ARHGEF10L: variants seen among roughly 807,000 people sequenced by gnomAD.
ARHGEF10L encodes the protein rho guanine nucleotide exchange factor 10-like protein.
Under a neutral mutation model 141.2 loss-of-function variants are expected in ARHGEF10L, and 69 were observed. The observed-to-expected ratio is 0.49, with a 90% CI of 0.40 to 0.60. The LOEUF is 0.60. ARHGEF10L is among the 20% of genes least tolerant of loss of function. The probability of loss-of-function intolerance (pLI) is 0.00; values close to 1 mark genes in which losing one functional copy is unlikely to be tolerated. For missense variants in ARHGEF10L, 1,482 were observed against 1,734.3 expected (o/e 0.85, Z 2.58); for synonymous variants, 711 against 718.5 (o/e 0.99, Z 0.17).
At chr1:17,622,862 TGAG>T in intron 11 of ARHGEF10L, 131 bp from the exon 12 acceptor site, 2 of 870,646 alleles carry the variant, frequency 2.3e-6, no homozygotes, top group Non-Finnish European at 3.5e-6. Context: ...GAAGGACGCA[TGAG>T]GAGTGAGGGA....
At chr1:17,693,297 T>G (rs774010858) in intron 27 of ARHGEF10L, among the ~76,000 whole-genome samples, 37 of 152,226 alleles carry the variant, frequency 2.4e-4, no homozygotes, top group Admixed American at 5.2e-4. Flanking sequence ...GTCTGCTCCT[T>G]AAGACAGGAC....
At chr1:17,539,027 C>T (rs2076625537), upstream of ARHGEF10L, among the ~76,000 whole-genome samples, 1 of 152,254 alleles carries the variant, frequency 6.6e-6, no homozygotes, top group Admixed American at 6.5e-5. The surrounding 1 kb of genome is among the most constrained non-coding windows in gnomAD (Gnocchi z 6.0). Context: ...GCTAGGATCT[C>T]AGTCTCAGCA....
intron 1 of ARHGEF10L, among the ~76,000 whole-genome samples, chr1:17,568,312 A>G (rs2077846151): frequency 6.6e-6 from 1 of 152,214 alleles, no homozygotes; most frequent in South Asian, 2.1e-4. Context: ...TAATCATTAG[A>G]ACAGCCCTGT....
Position 17,619,373 on chromosome 1 carries a change from G to C in ARHGEF10L, c.870G>C (p.Glu290Asp), listed in dbSNP as rs966240600. The part of the protein sequence containing the change: ...DSEEEDMGLL[E>D]VSVSDIKPPA... The stretch of plus-strand genomic sequence containing the variant: ...AGGAGGAGGACATGGGGCTCCTGGA[G>C]GTCAGCGTTTCGGACATCAAGCCCC... Residue 290 changes from glutamate to aspartate, a missense_variant, in exon 10 of 29, where the codon GAG becomes GAC. Glu to Asp is a conservative substitution (Grantham distance 45). Around this residue, in one of 3 missense-constraint regions of ARHGEF10L, gnomAD observed 392 missense variants for 542.1 expected, o/e 0.72. Coordinates refer to ENST00000361221, the MANE Select transcript of ARHGEF10L (RefSeq NM_018125.4). The surrounding 1 kb of genome is among the most constrained non-coding windows in gnomAD (Gnocchi z 5.0). 12 of 1,613,096 alleles carry C rather than the reference G, an allele frequency of 7.4e-6. No individual in the cohort carries two copies. The highest frequency in any genetic ancestry group is 1.7e-5 in the Admixed American group (1 of 59,970).
rs148885183 is a variant in ARHGEF10L at position 17,678,709 on chromosome 1, G to A, written c.3010-8864G>A. On this transcript the variant is annotated intron_variant, in intron 26 of 28. Transcript: ENST00000361221. ...GCTGGGATTACAGGCATGAGCCACCGCACCCGGCTGGATTTCAGATTAGTT... is the reference window on the plus strand; with the variant it reads ...GCTGGGATTACAGGCATGAGCCACCACACCCGGCTGGATTTCAGATTAGTT... 2.3e-3 allele frequency among the ~76,000 whole-genome samples: 355 copies of A among 152,230 alleles called. 2 individuals carry two copies. The highest frequency in any genetic ancestry group is 0.01 in the Middle Eastern group (3 of 292).
In ARHGEF10L at chr1:17,625,625, G is replaced by C. The variant is rs2060339535; in HGVS notation, c.1318-331G>C. On this transcript the variant is annotated intron_variant, in intron 13 of 28. Transcript: ENST00000361221. The surrounding 1 kb of genome is among the most constrained non-coding windows in gnomAD (Gnocchi z 4.5). ...CCTAGCCCAAATCTGTCTGCATTTAGTTTAAGTGGAGGGAATGGTTGCCTT... is the reference window on the plus strand; with the variant it reads ...CCTAGCCCAAATCTGTCTGCATTTACTTTAAGTGGAGGGAATGGTTGCCTT... Among the ~76,000 whole-genome samples, 1 of 152,198 alleles carries C rather than the reference G, an allele frequency of 6.6e-6. No homozygotes were observed. Among genetic ancestry groups the C allele is most frequent in the African/African-American group, 2.4e-5 (1 of 41,444 alleles).
chr1:17,565,560 G>C (rs749454350), intron 1 of ARHGEF10L, among the ~76,000 whole-genome samples: 1 of 152,192 alleles, frequency 6.6e-6, no homozygotes, highest in Non-Finnish European at 1.5e-5. Flanking sequence ...GTCTCCCGAA[G>C]GGAAGCCCAG....
intron 2 of ARHGEF10L, among the ~76,000 whole-genome samples, chr1:17,581,309 CAAAA>C (rs71014975): frequency 1.0e-4 from 7 of 69,292 alleles, no homozygotes; most frequent in East Asian, 5.2e-4. Flanking sequence ...AAGACTGTCT[CAAAA>C]AAAAAAAAAA....
At position 17,656,516 on chromosome 1, in the gene ARHGEF10L, C is replaced by CA. The variant is rs780423640; in HGVS notation, c.2706-37dup. ...GGGGCAGTGAGTGGGTGGGAGTGCT[C>CA]AGTGTGTCATGACCGCTTCTCCAAC... On this transcript the variant is annotated intron_variant, in intron 24 of 28. Transcript: ENST00000361221. The surrounding 1 kb of genome is among the most constrained non-coding windows in gnomAD (Gnocchi z 4.9). The CA allele has an allele frequency of 3.8e-6, 6 of 1,587,458 alleles. No individual in the cohort carries two copies. In the African/African-American group the frequency reaches 8.0e-5, roughly 21 times the overall value.
At chr1:17,525,368 G>C in the ARHGEF10L span, among the ~76,000 whole-genome samples, 2 of 152,212 alleles carry the variant, frequency 1.3e-5, no homozygotes, top group East Asian at 1.9e-4. Context: ...TGGGGGATGG[G>C]ACCCTAGGCT....
At chr1:17,560,078 C>T (rs1326824223) in intron 1 of ARHGEF10L, among the ~76,000 whole-genome samples, 1 of 152,136 alleles carries the variant, frequency 6.6e-6, no homozygotes, top group Non-Finnish European at 1.5e-5. Flanking sequence ...AGCTAGGCTC[C>T]GAGTGTCCCC....
At position 17,656,072 on chromosome 1, in the gene ARHGEF10L, C is replaced by T; in HGVS notation, c.2675C>T (p.Pro892Leu). 1 of 1,558,066 alleles carries T rather than the reference C, an allele frequency of 6.4e-7. No individual in the cohort carries two copies. Among genetic ancestry groups the T allele is most frequent in the Non-Finnish European group, 8.7e-7 (1 of 1,150,884 alleles). The change falls in exon 24 of 29, where the codon CCA becomes CTA. Residue 892 changes from proline (P) to leucine (L), a missense_variant. Transcript: ENST00000361221. The surrounding 1 kb of genome is among the most constrained non-coding windows in gnomAD (Gnocchi z 4.9). ...GCTGACCCCTCGGCCACGGTGCATCCAACCATCTGCCTCGGGCTCCAGGAT... is the reference window on the plus strand; with the variant it reads ...GCTGACCCCTCGGCCACGGTGCATCTAACCATCTGCCTCGGGCTCCAGGAT... Reference protein sequence around the residue: ...TVADPSATVHPTICLGLQDGS... With the variant: ...TVADPSATVHLTICLGLQDGS...
intron 1 of ARHGEF10L, among the ~76,000 whole-genome samples, chr1:17,553,405 C>A (rs906633053): frequency 2.0e-5 from 3 of 152,112 alleles, no homozygotes; most frequent in Non-Finnish European, 2.9e-5. Flanking sequence ...CATTTGCCAC[C>A]TTTTTCTACT....
At chr1:17,602,358 A>T (rs907959260) in intron 5 of ARHGEF10L, 140 bp downstream of exon 5, 14 of 930,560 alleles carry the variant, frequency 1.5e-5, no homozygotes, top group Admixed American at 5.3e-5. Flanking sequence ...GCCCTGGAGG[A>T]CCAACCACCG....
intron 1 of ARHGEF10L, among the ~76,000 whole-genome samples, chr1:17,540,151 G>T (rs1042124124): frequency 2.0e-5 from 3 of 152,054 alleles, no homozygotes; most frequent in Admixed American, 2.0e-4. Context: ...CCTCTGTGTG[G>T]GTCTCTCCTT....
chr1:17,647,633 G>C (rs969269275), intron 21 of ARHGEF10L, among the ~76,000 whole-genome samples: 1 of 152,188 alleles, frequency 6.6e-6, no homozygotes, highest in Non-Finnish European at 1.5e-5. Context: ...AGACAGTGCA[G>C]ACCCCCACTG....
chr1:17,693,324 C>T (rs144066043), intron 27 of ARHGEF10L, among the ~76,000 whole-genome samples: 4 of 152,280 alleles, frequency 2.6e-5, no homozygotes, highest in Non-Finnish European at 4.4e-5. Context: ...TACATGGTCC[C>T]AGCTGTGCCC....
intron 1 of ARHGEF10L, among the ~76,000 whole-genome samples, chr1:17,566,386 A>C (rs766960453): frequency 6.6e-6 from 1 of 152,366 alleles, no homozygotes; most frequent in East Asian, 1.9e-4. Flanking sequence ...GGCCTCCCAT[A>C]GATCTGTAAA....
intron 6 of ARHGEF10L, among the ~76,000 whole-genome samples, chr1:17,605,398 G>A (rs964644081): frequency 1.8e-4 from 27 of 152,290 alleles, no homozygotes; most frequent in Non-Finnish European, 2.5e-4. Flanking sequence ...GGGTGGTAGC[G>A]TAGATTCCAT....
Sources: allele counts gnomAD v4.1 joint callset (sites outside exome capture counted in the v4.1 genomes callset), GRCh38; gene constraint gnomAD v4.1.1; regional missense constraint gnomAD v4.1.1; non-coding constraint Gnocchi (gnomAD v3.1); transcripts MANE v1.5; gene names NCBI Gene and HGNC (gene_info 2026-07-23, HGNC 2026-07-21).